GEN1: variants seen among roughly 807,000 people sequenced by gnomAD.
GEN1 encodes the protein GEN1 structure-specific endonuclease.
In GEN1, 64 loss-of-function variants were observed where a neutral mutation model predicts 67.6. The observed-to-expected ratio is 0.95, with a 90% CI of 0.77 to 1.17. GEN1 has a LOEUF of 1.17. Ranked by LOEUF, GEN1 falls within the 50% of genes most tolerant of loss-of-function variation. The pLI is 0.00. For synonymous variants in GEN1, 371 were observed against 359.4 expected (o/e 1.03, Z -0.37); for missense variants, 1,058 against 1,048.3 (o/e 1.01, Z -0.13).
At chr2:17,771,335 A>C in intron 7 of GEN1, 48 bp downstream of exon 7, 5 of 1,103,622 alleles carry the variant, frequency 4.5e-6, no homozygotes, top group East Asian at 2.4e-5. Flanking sequence ...CCCATGTTTT[A>C]ATTCTTGTTC....
chr2:17,778,144 A>G lies in GEN1; in HGVS notation c.1264+81A>G, dbSNP rs1572416661. 10 of 582,642 alleles carry G rather than the reference A, an allele frequency of 1.7e-5. No homozygotes were observed. The East Asian group carries it at 2.8e-4, about 16-fold the overall frequency. The allele number at this position is 582,642 out of a possible 1,614,324, so 36.1% of individuals were successfully genotyped here. ...TAGTAAATATTGTATATGTGTATATATATATATATACACACACACATAGAT... is the reference window on the plus strand; with the variant it reads ...TAGTAAATATTGTATATGTGTATATGTATATATATACACACACACATAGAT... On this transcript the variant is annotated intron_variant, in intron 12 of 13. Coordinates refer to ENST00000381254, the MANE Select transcript of GEN1 (RefSeq NM_001130009.3).
chr2:17,780,913 T>C lies in GEN1; in HGVS notation c.1701T>C (p.Ser567=), dbSNP rs1672795285. The C allele has an allele frequency of 1.2e-6, 2 of 1,613,932 alleles. No individual in the cohort carries two copies. The highest frequency in any genetic ancestry group is 1.7e-6 in the Non-Finnish European group (2 of 1,179,942). ...TCAGTAAGTCTCTAATTTCAGAATC[T>C]AGTCAACCCAATACCTCATCTCATA... ...KAVSKSLISE[S]SQPNTSSHNI... The change falls in exon 14 of 14, where the codon TCT becomes TCC. Residue 567 remains serine, a synonymous_variant. Coordinates refer to ENST00000381254, the MANE Select transcript of GEN1 (RefSeq NM_001130009.3).
chr2:17,778,323 C>CATATATGTATACACACACACATGT (rs1553331284), intron 12 of GEN1, among the ~76,000 whole-genome samples: 1 of 30,870 alleles, frequency 3.2e-5, no homozygotes, highest in African/African-American at 1.1e-4. Context: ...TACACACACA[C>CATATATGTATACACACACACATGT]GTGTACATAT....
intron 1 of GEN1, among the ~76,000 whole-genome samples, chr2:17,756,360 G>C (rs1658675743): frequency 6.6e-6 from 1 of 152,296 alleles, no homozygotes; most frequent in South Asian, 2.1e-4. Context: ...ATTCATGTAA[G>C]TAGACTTGTG....
rs750272172 is a variant in GEN1, at chr2:17,782,908, A to G, written c.*969A>G. The G allele has an allele frequency of 6.6e-6, 1 of 152,214 alleles. No homozygotes were observed. Among genetic ancestry groups the G allele is most frequent in the Non-Finnish European group, 1.5e-5 (1 of 68,044 alleles). 9.4% of individuals were successfully genotyped at this position (152,214 alleles called of 1,614,324 possible). A position where few individuals can be genotyped will look rare whatever the true frequency, so the allele number is the denominator to read the frequency against. ...TCAAAAATTCTAGAGAGGCATCCAG[A>G]TTGAAAAGGAAAATGGTGTCTGCAG... On this transcript the variant is annotated 3_prime_UTR_variant, in exon 14 of 14. Transcript: ENST00000381254.
rs1673003257 is a variant in GEN1, at chr2:17,784,886, C to T, written c.*2947C>T. The T allele has an allele frequency of 6.6e-6, 1 of 152,094 alleles. No individual in the cohort carries two copies. Among genetic ancestry groups the T allele is most frequent in the African/African-American group, 2.4e-5 (1 of 41,402 alleles). The allele number at this position is 152,094 out of a possible 1,614,324, so 9.4% of individuals were successfully genotyped here. A position where few individuals can be genotyped will look rare whatever the true frequency, so the allele number is the denominator to read the frequency against. ...TCTGAGTTCATTTTGCTATATAGCT[C>T]AGGAGTCCCCAACCCCTGGGCTATG... is the stretch of plus-strand genomic sequence containing the variant. On this transcript the variant is annotated 3_prime_UTR_variant, in exon 14 of 14. Transcript: ENST00000381254.
chr2:17,770,687 T>C (rs1335255125), intron 6 of GEN1, among the ~76,000 whole-genome samples: 1 of 152,096 alleles, frequency 6.6e-6, no homozygotes, highest in Non-Finnish European at 1.5e-5. Flanking sequence ...GCACAAGAGA[T>C]TAAGAAATGA....
chr2:17,775,435 A>G (rs185129066), intron 11 of GEN1, among the ~76,000 whole-genome samples: 12 of 152,346 alleles, frequency 7.9e-5, no homozygotes, highest in East Asian at 7.7e-4. Flanking sequence ...AAGGTTGAAA[A>G]GTAATTTTTG....
At chr2:17,774,449 T>C (rs761997501) in intron 11 of GEN1, 48 bp downstream of exon 11, 1 of 1,457,828 alleles carries the variant, frequency 6.9e-7, no homozygotes, top group Non-Finnish European at 9.2e-7. Context: ...ACTTGAGTAT[T>C]TTATAATTAA....
At chr2:17,775,035 TATA>T (rs1240451681) in intron 11 of GEN1, among the ~76,000 whole-genome samples, 1 of 152,018 alleles carries the variant, frequency 6.6e-6, no homozygotes, top group African/African-American at 2.4e-5. Context: ...TATAAAGAAA[TATA>T]ATATTTTTAA....
chr2:17,781,003 T>C lies in GEN1; in HGVS notation c.1791T>C (p.Asn597=), dbSNP rs1672803200. The C allele has an allele frequency of 6.2e-7, 1 of 1,613,642 alleles. No individual in the cohort carries two copies. The highest frequency in any genetic ancestry group is 8.5e-7 in the Non-Finnish European group (1 of 1,179,724). Residue 597 remains asparagine, a synonymous_variant, in exon 14 of 14, where the codon AAT becomes AAC. Transcript: ENST00000381254. ...TIDWEGTSFS[N]SPAIQRNTFS... ...ACTGGGAAGGTACTTCTTTTAGTAA[T>C]TCTCCAGCTATTCAAAGGAATACTT...
intron 1 of GEN1, among the ~76,000 whole-genome samples, chr2:17,759,506 C>T (rs1358170526): frequency 6.6e-6 from 1 of 152,070 alleles, no homozygotes; most frequent in African/African-American, 2.4e-5. Context: ...TTCATTTTCT[C>T]TCGTTTCTTC....
At chr2:17,774,062 A>G (rs1215899833) in intron 10 of GEN1, among the ~76,000 whole-genome samples, 1 of 152,150 alleles carries the variant, frequency 6.6e-6, no homozygotes, top group Non-Finnish European at 1.5e-5. Flanking sequence ...TCTAAGAAAT[A>G]TCATCCTGGC....
In GEN1 at chr2:17,780,045, G is replaced by T; in HGVS notation, c.1332G>T (p.Leu444Phe). 3 of 1,607,682 alleles carry T rather than the reference G, an allele frequency of 1.9e-6. No homozygotes were observed. The highest frequency in any genetic ancestry group is 2.6e-6 in the Non-Finnish European group (3 of 1,174,304). ...FALLTIEEESLFEAAYPEIVA... is the reference protein window; with the variant it reads ...FALLTIEEESFFEAAYPEIVA... The stretch of plus-strand genomic sequence containing the variant: ...TATTAACAATTGAGGAAGAATCATT[G>T]TTTGAAGCAGCATATCCTGAGATCG... Residue 444 changes from leucine to phenylalanine, a missense_variant, in exon 13 of 14, where the codon TTG (leucine) becomes TTT (phenylalanine). Coordinates refer to ENST00000381254, the MANE Select transcript of GEN1 (RefSeq NM_001130009.3).
intron 6 of GEN1, 126 bp downstream of exon 6, chr2:17,768,937 G>T: frequency 2.0e-6 from 1 of 506,634 alleles, no homozygotes; most frequent in Non-Finnish European, 3.5e-6. Context: ...CCTATATTTT[G>T]TTTGATTTAA....
At position 17,765,019 on chromosome 2, in the gene GEN1, T is replaced by C. The variant is rs777865001; in HGVS notation, c.471T>C (p.Asp157=). ...HVDGCLTNDG[D]TFLYGAQTVY... ...ATGGCTGCCTCACCAATGATGGAGATACTTTCCTTTATGGGGCCCAGACTG... is the reference window on the plus strand; with the variant it reads ...ATGGCTGCCTCACCAATGATGGAGACACTTTCCTTTATGGGGCCCAGACTG... The change falls in exon 4 of 14, where the codon GAT becomes GAC. Residue 157 remains aspartate, a synonymous_variant. Coordinates refer to ENST00000381254, the MANE Select transcript of GEN1 (RefSeq NM_001130009.3). 6.2e-7 allele frequency: 1 copy of C among 1,614,204 alleles called. No individual in the cohort carries two copies. Among genetic ancestry groups the C allele is most frequent in the Admixed American group, 1.7e-5 (1 of 60,016 alleles).
Position 17,785,455 on chromosome 2 carries a change from A to C in GEN1, c.*3516A>C, listed in dbSNP as rs1673025905. The C allele has an allele frequency of 6.6e-6, 1 of 152,310 alleles. No individual in the cohort carries two copies. Among genetic ancestry groups the C allele is most frequent in the Non-Finnish European group, 1.5e-5 (1 of 68,130 alleles). 9.4% of individuals were successfully genotyped at this position (152,310 alleles called of 1,614,324 possible). A position where few individuals can be genotyped will look rare whatever the true frequency, so the allele number is the denominator to read the frequency against. On this transcript the variant is annotated 3_prime_UTR_variant, in exon 14 of 14. Coordinates refer to ENST00000381254, the MANE Select transcript of GEN1 (RefSeq NM_001130009.3). ...GCTTCCCTTTGAAATACTCTGCCAAAGATCTGCCTCCAGCTGCTAGGATCC... is the reference window on the plus strand; with the variant it reads ...GCTTCCCTTTGAAATACTCTGCCAACGATCTGCCTCCAGCTGCTAGGATCC...
In GEN1 at chr2:17,774,366, T is replaced by A; in HGVS notation, c.1167T>A (p.Leu389=). ...ATTATGACATGATAGAAAGAAAGCT[T>A]GGTAGCAGAAACTCTAATCAACTAC... The part of the protein sequence containing the change: ...LTHYDMIERK[L]GSRNSNQLQP... Residue 389 remains leucine, a synonymous_variant, in exon 11 of 14, where the codon CTT becomes CTA. Transcript: ENST00000381254. 1 of 1,605,906 alleles carries A rather than the reference T, an allele frequency of 6.2e-7. No homozygotes were observed. The highest frequency in any genetic ancestry group is 8.5e-7 in the Non-Finnish European group (1 of 1,174,922).
chr2:17,768,638 C>T, intron 5 of GEN1, 100 bp from the exon 6 acceptor site: 2 of 815,988 alleles, frequency 2.5e-6, no homozygotes, highest in Non-Finnish European at 4.0e-6. Flanking sequence ...TGAAGAGTTA[C>T]CTCATTCTTT....
Sources: gnomAD v4.1 joint callset for allele counts (sites outside exome capture counted in the v4.1 genomes callset) on GRCh38, gnomAD v4.1.1 for gene constraint, MANE v1.5 for transcripts, NCBI Gene and HGNC (gene_info 2026-07-23, HGNC 2026-07-21) for gene names.